The following CTNND2 variants were observed in gnomAD, a reference collection of about 807,000 sequenced individuals.
CTNND2 encodes catenin delta 2.
In CTNND2, 22 loss-of-function variants were observed where a neutral mutation model predicts 144.4. That is an observed-to-expected ratio of 0.15 (90% CI 0.11 to 0.22). CTNND2 has a LOEUF of 0.22. CTNND2 is among the 10% of genes least tolerant of loss of function. The pLI is 1.00. For synonymous variants in CTNND2, 751 were observed against 695.6 expected, an observed-to-expected ratio of 1.08 and a Z score of -1.25; for missense variants, 1,353 against 1,618.8, an observed-to-expected ratio of 0.84 and a Z score of 2.82.
intron 2 of CTNND2, among the ~76,000 whole-genome samples, chr5:11,714,346 T>A (rs756715487): frequency 6.6e-6 from 1 of 152,206 alleles, no homozygotes; most frequent in Non-Finnish European, 1.5e-5. Flanking sequence ...TTCTTAAGAT[T>A]ACTGCATGAA....
intron 18 of CTNND2, 84 bp from the exon 19 acceptor site, chr5:10,992,761 G>T (rs1738842527): frequency 1.3e-6 from 2 of 1,529,632 alleles, no homozygotes; most frequent in East Asian, 2.3e-5. Context: ...CAAGTATCTG[G>T]ATTTGCATAA....
intron 1 of CTNND2, among the ~76,000 whole-genome samples, chr5:11,771,322 C>T (rs531887489): frequency 1.3e-5 from 2 of 151,830 alleles, no homozygotes; most frequent in Non-Finnish European, 2.9e-5. Flanking sequence ...CGGGGTTTCA[C>T]CATGTTGGTC....
intron 3 of CTNND2, among the ~76,000 whole-genome samples, chr5:11,450,093 A>T (rs1765164692): frequency 6.6e-6 from 1 of 152,232 alleles, no homozygotes; most frequent in African/African-American, 2.4e-5. Context: ...AACTGTTCAC[A>T]TTCCTCACCT....
At chr5:11,471,237 A>G (rs1767205061) in intron 3 of CTNND2, among the ~76,000 whole-genome samples, 1 of 151,848 alleles carries the variant, frequency 6.6e-6, no homozygotes, top group Admixed American at 6.6e-5. Context: ...TTGGCCTCCC[A>G]AAGTGCTGGG....
chr5:11,100,814 C>T lies in CTNND2; in HGVS notation c.2464-2066G>A, dbSNP rs539671184. Reference sequence around the variant, plus strand: ...AGAGCTAACCTAACAGCAAGAGGTACAGAGAAGTAATATTTGCATGCTCGT... The same window carrying T: ...AGAGCTAACCTAACAGCAAGAGGTATAGAGAAGTAATATTTGCATGCTCGT... On this transcript the variant is annotated intron_variant, in intron 14 of 21. Transcript: ENST00000304623. Among the ~76,000 whole-genome samples the T allele has an allele frequency of 3.9e-5, 6 of 152,190 alleles. No homozygotes were observed. The South Asian group carries it at 1.2e-3, about 32-fold the overall frequency.
chr5:11,584,427 G>GC (rs1320461835), intron 2 of CTNND2, among the ~76,000 whole-genome samples: 4 of 138,540 alleles, frequency 2.9e-5, no homozygotes, highest in South Asian at 2.5e-4. Flanking sequence ...ATTTTTTTTG[G>GC]GGGGGGGGAG....
chr5:11,733,519 AAAG>A (rs1787512857), intron 1 of CTNND2, among the ~76,000 whole-genome samples: 1 of 152,226 alleles, frequency 6.6e-6, no homozygotes, highest in Non-Finnish European at 1.5e-5. Context: ...TTTCAACTCA[AAAG>A]AAAATCTATC....
chr5:11,602,155 A>T (rs1473463775), intron 2 of CTNND2, among the ~76,000 whole-genome samples: 1 of 152,070 alleles, frequency 6.6e-6, no homozygotes, highest in East Asian at 1.9e-4. Flanking sequence ...AATATATTTT[A>T]TTATTATAAA....
chr5:11,187,675 A>T (rs1181038772), intron 11 of CTNND2, among the ~76,000 whole-genome samples: 1 of 152,234 alleles, frequency 6.6e-6, no homozygotes, highest in African/African-American at 2.4e-5. Context: ...GGCAACCTAC[A>T]GAATGGGAGA....
intron 2 of CTNND2, among the ~76,000 whole-genome samples, chr5:11,713,182 T>G (rs1474290641): frequency 6.6e-6 from 1 of 152,194 alleles, no homozygotes; most frequent in Non-Finnish European, 1.5e-5. Context: ...GAATGGGTGA[T>G]TTCACAAATA....
chr5:11,311,065 A>C, intron 9 of CTNND2, among the ~76,000 whole-genome samples: 1 of 140,762 alleles, frequency 7.1e-6, no homozygotes, highest in Non-Finnish European at 1.5e-5. Context: ...CACGCTCCCC[A>C]TGCACCCTCA....
At chr5:11,102,431 A>G (rs1056259137) in intron 14 of CTNND2, among the ~76,000 whole-genome samples, 1 of 152,184 alleles carries the variant, frequency 6.6e-6, no homozygotes, top group Non-Finnish European at 1.5e-5. Context: ...AAACTGAGTA[A>G]TTGAGAATTA....
intron 9 of CTNND2, among the ~76,000 whole-genome samples, chr5:11,269,868 G>A (rs1433221954): frequency 1.3e-5 from 2 of 152,136 alleles, no homozygotes; most frequent in Non-Finnish European, 1.5e-5. Flanking sequence ...AAAGTTAGAT[G>A]CTTCTCTAGA....
intron 1 of CTNND2, among the ~76,000 whole-genome samples, chr5:11,752,007 C>T (rs1788651623): frequency 6.6e-6 from 1 of 151,336 alleles, no homozygotes; most frequent in Non-Finnish European, 1.5e-5. Context: ...TGTGCACAGT[C>T]TTCTTTTGAA....
chr5:11,808,433 C>A (rs888091703), intron 1 of CTNND2, among the ~76,000 whole-genome samples: 1 of 152,190 alleles, frequency 6.6e-6, no homozygotes, highest in African/African-American at 2.4e-5. Flanking sequence ...ATTACTTAAA[C>A]TAACCCCAAC....
At chr5:11,602,804 A>T (rs1446320461) in intron 2 of CTNND2, among the ~76,000 whole-genome samples, 1 of 146,522 alleles carries the variant, frequency 6.8e-6, no homozygotes, top group Non-Finnish European at 1.5e-5. Context: ...AATATATATT[A>T]ATATATATTT....
intron 3 of CTNND2, among the ~76,000 whole-genome samples, chr5:11,469,772 C>A (rs1289848962): frequency 6.6e-6 from 1 of 152,118 alleles, no homozygotes; most frequent in Non-Finnish European, 1.5e-5. Context: ...TTCCAATGCT[C>A]CATTTTCATC....
chr5:11,088,737 G>C (rs748321525), intron 15 of CTNND2, among the ~76,000 whole-genome samples: 1 of 151,060 alleles, frequency 6.6e-6, no homozygotes, highest in Non-Finnish European at 1.5e-5. Context: ...TGAAGTCTTA[G>C]GTAGTAAGTT....
At chr5:11,636,387 C>A (rs890132404) in intron 2 of CTNND2, among the ~76,000 whole-genome samples, 1 of 152,052 alleles carries the variant, frequency 6.6e-6, no homozygotes. Context: ...AAGAATACAG[C>A]GCTTTGTTAT....
Sources: gnomAD v4.1 joint callset for allele counts (sites outside exome capture counted in the v4.1 genomes callset) on GRCh38, gnomAD v4.1.1 for gene constraint, MANE v1.5 for transcripts, NCBI Gene and HGNC (gene_info 2026-07-23, HGNC 2026-07-21) for gene names.